CWC27: variants seen among roughly 807,000 people sequenced by gnomAD.
CWC27 encodes the protein CWC27 spliceosome associated cyclophilin.
Under a neutral mutation model 63.6 loss-of-function variants are expected in CWC27, and 47 were observed. That is an observed-to-expected ratio of 0.74 (90% CI 0.58 to 0.94). The LOEUF is 0.94. CWC27 is among the 40% of genes least tolerant of loss of function. The pLI is 0.00. For synonymous variants in CWC27, 175 were observed against 179.8 expected, an observed-to-expected ratio of 0.97 and a Z score of 0.22; for missense variants, 495 against 554.3, an observed-to-expected ratio of 0.89 and a Z score of 1.07.
intron 13 of CWC27, among the ~76,000 whole-genome samples, chr5:64,993,183 G>A (rs1194790087): frequency 6.6e-6 from 1 of 152,122 alleles, no homozygotes; most frequent in Non-Finnish European, 1.5e-5. Context: ...GAGTGCTCAG[G>A]AAATAGTAGG....
At chr5:64,940,463 A>T (rs935418452) in intron 11 of CWC27, among the ~76,000 whole-genome samples, 1 of 152,074 alleles carries the variant, frequency 6.6e-6, no homozygotes, top group African/African-American at 2.4e-5. Flanking sequence ...ACCAGTCCCA[A>T]TGAGATGAAC....
intron 10 of CWC27, among the ~76,000 whole-genome samples, chr5:64,869,329 A>C (rs2112322605): frequency 6.6e-6 from 1 of 152,198 alleles, no homozygotes; most frequent in African/African-American, 2.4e-5. Flanking sequence ...TTTGGGCTGA[A>C]CTACTTTGGA....
In CWC27 at chr5:65,004,037, G is replaced by T. The variant is rs189749096; in HGVS notation, c.1257-14122G>T. The stretch of plus-strand genomic sequence containing the variant: ...TTTTTGTATTTTTAGTAGTGACAAG[G>T]TTTTACCATGTTGGCCAGGCTGGTC... On this transcript the variant is annotated intron_variant, in intron 13 of 13. Transcript: ENST00000381070. Among the ~76,000 whole-genome samples, 218 of 152,068 alleles carry T rather than the reference G, an allele frequency of 1.4e-3. 1 individual carries two copies. The highest frequency in any genetic ancestry group is 3.7e-3 in the African/African-American group (153 of 41,496).
At chr5:64,955,624 G>C (rs1326952246) in intron 11 of CWC27, among the ~76,000 whole-genome samples, 1 of 152,048 alleles carries the variant, frequency 6.6e-6, no homozygotes, top group Admixed American at 6.6e-5. Flanking sequence ...AGCATAGTTG[G>C]ATGAGCTTTT....
At chr5:64,914,434 A>G (rs1747848655) in intron 11 of CWC27, among the ~76,000 whole-genome samples, 2 of 152,164 alleles carry the variant, frequency 1.3e-5, no homozygotes, top group African/African-American at 4.8e-5. Context: ...ATTATTAATC[A>G]TAAGAGAAAT....
intron 1 of CWC27, among the ~76,000 whole-genome samples, chr5:64,771,220 C>T (rs1184519939): frequency 1.3e-5 from 2 of 152,096 alleles, no homozygotes; most frequent in African/African-American, 4.8e-5. Context: ...AGAGTGTGGA[C>T]AAAAATTTGG....
At chr5:64,945,444 T>C (rs767561726) in intron 11 of CWC27, among the ~76,000 whole-genome samples, 6 of 152,194 alleles carry the variant, frequency 3.9e-5, no homozygotes, top group Non-Finnish European at 7.4e-5. Flanking sequence ...ATACATCCTT[T>C]GATACTGAGC....
In CWC27 at chr5:64,781,882, AT is replaced by A. The variant is rs759270068; in HGVS notation, c.140-35del. ...ATTTTGGTAACTGTAGAGATGATTA[AT>A]TTTAGACATTGATAAATTATTTTTA... On this transcript the variant is annotated intron_variant, in intron 2 of 13. Transcript: ENST00000381070. 22 of 1,102,140 alleles carry A rather than the reference AT, an allele frequency of 2.0e-5. No homozygotes were observed. The African/African-American group carries it at 3.5e-4, about 18-fold the overall frequency. The allele number at this position is 1,102,140 out of a possible 1,614,324, so 68.3% of individuals were successfully genotyped here.
At chr5:64,880,661 G>GT (rs997931036) in intron 10 of CWC27, among the ~76,000 whole-genome samples, 17 of 150,070 alleles carry the variant, frequency 1.1e-4, no homozygotes, top group East Asian at 1.9e-4. Flanking sequence ...ATTTTATTGG[G>GT]TTTTTTTTTA....
intron 11 of CWC27, among the ~76,000 whole-genome samples, chr5:64,931,975 A>G (rs1316543732): frequency 6.6e-6 from 1 of 152,024 alleles, no homozygotes; most frequent in African/African-American, 2.4e-5. Flanking sequence ...GCATCCTTGT[A>G]CACTTCTGTG....
chr5:64,779,027 A>G (rs1395208914), intron 2 of CWC27, among the ~76,000 whole-genome samples: 1 of 152,218 alleles, frequency 6.6e-6, no homozygotes, highest in Admixed American at 6.5e-5. Flanking sequence ...CCAAGACACT[A>G]AAATAGGAAC....
At chr5:64,976,055 G>A (rs555530175) in intron 12 of CWC27, among the ~76,000 whole-genome samples, 29 of 152,112 alleles carry the variant, frequency 1.9e-4, no homozygotes, top group Admixed American at 9.8e-4. Context: ...GCCTCACAGC[G>A]AGACTCTGTC....
intron 11 of CWC27, among the ~76,000 whole-genome samples, chr5:64,911,417 A>G (rs952148293): frequency 8.5e-5 from 13 of 152,232 alleles, no homozygotes; most frequent in Admixed American, 7.9e-4. Flanking sequence ...TGCTTTCAGG[A>G]AAGGCAGACC....
chr5:64,887,944 C>T (rs1243944203), intron 11 of CWC27, among the ~76,000 whole-genome samples: 7 of 152,026 alleles, frequency 4.6e-5, no homozygotes, highest in Admixed American at 4.6e-4. Context: ...TAACAAAATA[C>T]TGATAATAAA....
intron 11 of CWC27, among the ~76,000 whole-genome samples, chr5:64,961,849 C>G (rs1399741884): frequency 6.6e-6 from 1 of 152,134 alleles, no homozygotes; most frequent in Non-Finnish European, 1.5e-5. Context: ...AATCAAAACA[C>G]CCTAGCATAG....
chr5:64,935,883 T>C (rs926193649), intron 11 of CWC27, among the ~76,000 whole-genome samples: 6 of 152,224 alleles, frequency 3.9e-5, no homozygotes, highest in Non-Finnish European at 2.9e-5. Context: ...AGTTCACTCA[T>C]GATTTGGCTC....
chr5:64,849,180 G>C (rs74629667), intron 10 of CWC27, among the ~76,000 whole-genome samples: 2 of 145,594 alleles, frequency 1.4e-5, no homozygotes, highest in East Asian at 2.0e-4. Context: ...CACTAACAAT[G>C]AACTATCTGA....
intron 11 of CWC27, among the ~76,000 whole-genome samples, chr5:64,968,653 C>T (rs1195063654): frequency 6.6e-6 from 1 of 152,022 alleles, no homozygotes; most frequent in East Asian, 1.9e-4. Flanking sequence ...AAATGTGGTG[C>T]CAGAAAGCAG....
chr5:64,986,070 T>TCTGCTTGCATTTCTCTCTC (rs1749419494), intron 13 of CWC27, among the ~76,000 whole-genome samples: 1 of 152,078 alleles, frequency 6.6e-6, no homozygotes, highest in African/African-American at 2.4e-5. Context: ...TGACATTTCT[T>TCTGCTTGCATTTCTCTCTC]CTGCTTGCAT....
Sources: allele counts gnomAD v4.1 joint callset (sites outside exome capture counted in the v4.1 genomes callset), GRCh38; gene constraint gnomAD v4.1.1; transcripts MANE v1.5; gene names NCBI Gene and HGNC (gene_info 2026-07-23, HGNC 2026-07-21).